The following LRP1B variants were observed in gnomAD, a reference collection of about 807,000 sequenced individuals.
LRP1B encodes low-density lipoprotein receptor-related protein 1B.
Under a neutral mutation model 556.6 loss-of-function variants are expected in LRP1B, and 217 were observed. The observed-to-expected ratio is 0.39, with a 90% CI of 0.35 to 0.44. LRP1B has a LOEUF of 0.44. LRP1B is among the 20% of genes least tolerant of loss of function. LRP1B has a pLI of 1.00. For missense variants in LRP1B, 5,053 were observed against 5,620.8 expected (o/e 0.90, Z 3.23); for synonymous variants, 2,047 against 1,865.8 (o/e 1.10, Z -2.50).
At chr2:140,679,701 G>A (rs768223488) in intron 41 of LRP1B, among the ~76,000 whole-genome samples, 3 of 151,964 alleles carry the variant, frequency 2.0e-5, no homozygotes, top group East Asian at 1.9e-4. Context: ...TGGTAAATAC[G>A]TAAGTTAAAC....
At chr2:141,295,677 T>C (rs1686152741) in intron 3 of LRP1B, among the ~76,000 whole-genome samples, 1 of 151,132 alleles carries the variant, frequency 6.6e-6, no homozygotes, top group Non-Finnish European at 1.5e-5. Flanking sequence ...ATAGATGTCT[T>C]TTTCCCTAGT....
chr2:140,965,303 A>T (rs186919219), intron 18 of LRP1B, among the ~76,000 whole-genome samples: 3 of 152,106 alleles, frequency 2.0e-5, no homozygotes, highest in African/African-American at 7.2e-5. Context: ...GTAACTATGC[A>T]CAGATCTACA....
intron 32 of LRP1B, among the ~76,000 whole-genome samples, chr2:140,793,431 A>C (rs1452537203): frequency 6.6e-6 from 1 of 151,982 alleles, no homozygotes; most frequent in Non-Finnish European, 1.5e-5. Context: ...ATCTTAGATA[A>C]TTTACTATTC....
chr2:141,778,994 G>A (rs542985866), intron 2 of LRP1B, among the ~76,000 whole-genome samples: 54 of 152,206 alleles, frequency 3.5e-4, no homozygotes, highest in African/African-American at 1.2e-3. Flanking sequence ...ACCTCAGTAC[G>A]CCAGGTTCTC....
chr2:141,297,966 T>C lies in LRP1B; in HGVS notation c.344-43325A>G, dbSNP rs1480502648. 2.6e-5 allele frequency among the ~76,000 whole-genome samples: 4 copies of C among 152,324 alleles called. No homozygotes were observed. The East Asian group carries it at 7.7e-4, about 29-fold the overall frequency. ...ACCATCTAGGTCTGTGTAAGTACAC[T>C]CTGTAATGTTCACACAATAACAAAA... On this transcript the variant is annotated intron_variant, in intron 3 of 90. Coordinates refer to ENST00000389484, the MANE Select transcript of LRP1B (RefSeq NM_018557.3).
Position 140,396,873 on chromosome 2 carries a change from T to C in LRP1B, c.10415-10864A>G, listed in dbSNP as rs113798963. 1.1e-4 allele frequency among the ~76,000 whole-genome samples: 16 copies of C among 152,306 alleles called. 1 individual carries two copies. The highest frequency in any genetic ancestry group is 3.8e-4 in the African/African-American group (16 of 41,574). ...TTAGCGGTGATTTCTGAGATTTTGG[T>C]TGTCAGCACTGATTTAGATCCTTTA... On this transcript the variant is annotated intron_variant, in intron 66 of 90. Coordinates refer to ENST00000389484, the MANE Select transcript of LRP1B (RefSeq NM_018557.3).
At chr2:141,177,041 T>G (rs755804413) in intron 7 of LRP1B, among the ~76,000 whole-genome samples, 6 of 152,124 alleles carry the variant, frequency 3.9e-5, no homozygotes, top group Non-Finnish European at 8.8e-5. Flanking sequence ...GCTCAATATA[T>G]GACTCAGTGA....
chr2:141,080,590 C>A (rs1246743501), intron 7 of LRP1B, among the ~76,000 whole-genome samples: 3 of 152,162 alleles, frequency 2.0e-5, no homozygotes, highest in Non-Finnish European at 1.5e-5. Context: ...TTTCATTCAT[C>A]AAATACTTAT....
At chr2:141,108,334 CTT>C (rs60275697) in intron 7 of LRP1B, among the ~76,000 whole-genome samples, 1,950 of 88,558 alleles carry the variant, frequency 0.022, 81 homozygotes, top group African/African-American at 0.071. Flanking sequence ...TAATCTGTTT[CTT>C]TTTTTTTTTT....
intron 66 of LRP1B, among the ~76,000 whole-genome samples, chr2:140,416,521 T>A (rs1685210320): frequency 1.3e-5 from 2 of 151,966 alleles, no homozygotes; most frequent in Admixed American, 1.3e-4. Context: ...CCAAGCATGG[T>A]GATGCATGCC....
In LRP1B at chr2:141,279,048, T is replaced by G. The variant is rs60387535; in HGVS notation, c.344-24407A>C. ...AGATAAATTATTCAAGGATTATCAT[T>G]AATTTATGTGAAGAATAATTATTCT... On this transcript the variant is annotated intron_variant, in intron 3 of 90. Transcript: ENST00000389484. Among the ~76,000 whole-genome samples, 717 of 152,266 alleles carry G rather than the reference T, an allele frequency of 4.7e-3. 6 individuals carry two copies. The highest frequency in any genetic ancestry group is 0.017 in the African/African-American group (687 of 41,568).
At chr2:141,169,800 C>CAAAAAAAAAAAAAAAAAAAAAAAAAA (rs574461113) in intron 7 of LRP1B, among the ~76,000 whole-genome samples, 2 of 87,392 alleles carry the variant, frequency 2.3e-5, no homozygotes, top group African/African-American at 4.1e-5. Context: ...ACACCTTAAC[C>CAAAAAAAAAAAAAAAAAAAAAAAAAA]AAAAAAAAAA....
At chr2:141,550,711 A>T (rs1405495666) in intron 2 of LRP1B, among the ~76,000 whole-genome samples, 2 of 152,114 alleles carry the variant, frequency 1.3e-5, no homozygotes, top group African/African-American at 4.8e-5. Context: ...AAGCCTCTTA[A>T]TACTTAAAAA....
chr2:140,355,153 TAATTAAA>T (rs1682152289), intron 75 of LRP1B, among the ~76,000 whole-genome samples: 1 of 151,862 alleles, frequency 6.6e-6, no homozygotes. Flanking sequence ...CTGTGGAATG[TAATTAAA>T]AATTAAGAAA....
chr2:140,787,558 ATTTTTTTTTTTTTTTTTT>A (rs756825067), intron 32 of LRP1B, among the ~76,000 whole-genome samples: 1 of 44,628 alleles, frequency 2.2e-5, no homozygotes, highest in African/African-American at 1.1e-4. Flanking sequence ...AAAACAGAAG[ATTTTTTTTTTTTTTTTTT>A]TTTTTTTTTT....
At chr2:140,345,878 A>ATATATATATATAT (rs200833593) in intron 77 of LRP1B, among the ~76,000 whole-genome samples, 33 of 140,326 alleles carry the variant, frequency 2.4e-4, no homozygotes, top group South Asian at 4.3e-4. Context: ...ATATATATAT[A>ATATATATATATAT]AAAAAAATAG....
intron 2 of LRP1B, among the ~76,000 whole-genome samples, chr2:141,523,724 A>G (rs1684602221): frequency 6.6e-6 from 1 of 152,128 alleles, no homozygotes; most frequent in African/African-American, 2.4e-5. Flanking sequence ...GAGCAGTTTT[A>G]TACATTTTAG....
chr2:141,049,590 C>T (rs1698977625), intron 10 of LRP1B, among the ~76,000 whole-genome samples: 1 of 152,002 alleles, frequency 6.6e-6, no homozygotes, highest in African/African-American at 2.4e-5. Flanking sequence ...TCTGTCGATA[C>T]TAACTGTACC....
chr2:141,291,579 G>A (rs141472480), intron 3 of LRP1B, among the ~76,000 whole-genome samples: 1 of 152,102 alleles, frequency 6.6e-6, no homozygotes, highest in East Asian at 1.9e-4. Flanking sequence ...TTTGGAGGCC[G>A]GGCGCGGTGG....
Sources: gnomAD v4.1 joint callset for allele counts (sites outside exome capture counted in the v4.1 genomes callset) on GRCh38, gnomAD v4.1.1 for gene constraint, MANE v1.5 for transcripts, NCBI Gene and HGNC (gene_info 2026-07-23, HGNC 2026-07-21) for gene names.